Variants in LRRIQ3 observed in about 807,000 individuals in gnomAD.
LRRIQ3 encodes the protein leucine rich repeats and IQ motif containing 3.
Under a neutral mutation model 59.3 loss-of-function variants are expected in LRRIQ3, and 75 were observed. The observed-to-expected ratio is 1.26, with a 90% CI of 1.05 to 1.53. LRRIQ3 has a LOEUF of 1.53. Among genes scored for constraint, LRRIQ3 ranks in the 40% most tolerant of loss-of-function variants. The probability of loss-of-function intolerance (pLI) is 0.00; values close to 1 mark genes in which losing one functional copy is unlikely to be tolerated. For synonymous variants in LRRIQ3, 250 were observed against 231.3 expected (o/e 1.08, Z -0.73); for missense variants, 831 against 710.0 (o/e 1.17, Z -1.94).
intron 5 of LRRIQ3, 87 bp downstream of exon 5, chr1:74,109,303 TAGAG>T (rs774478341): frequency 1.1e-6 from 1 of 924,098 alleles, no homozygotes; most frequent in South Asian, 1.6e-5. Flanking sequence ...GGACATTTAA[TAGAG>T]ACTGAAGAAA....
intron 5 of LRRIQ3, among the ~76,000 whole-genome samples, chr1:74,106,775 T>C (rs1646620404): frequency 6.6e-6 from 1 of 152,036 alleles, no homozygotes; most frequent in East Asian, 1.9e-4. Flanking sequence ...ATATTAGTAT[T>C]CAGATTTTCC....
At chr1:74,162,254 G>A (rs1414753924) in intron 3 of LRRIQ3, among the ~76,000 whole-genome samples, 1 of 151,746 alleles carries the variant, frequency 6.6e-6, no homozygotes, top group African/African-American at 2.4e-5. Context: ...TCTAAAAAGA[G>A]ACGTGTACTA....
intron 3 of LRRIQ3, chr1:74,180,709 C>G: frequency 6.5e-7 from 1 of 1,549,172 alleles, no homozygotes. Flanking sequence ...GAAATCCCAC[C>G]TCATGACTCA....
chr1:74,074,432 T>C (rs910279534), intron 6 of LRRIQ3, among the ~76,000 whole-genome samples: 2 of 152,102 alleles, frequency 1.3e-5, no homozygotes, highest in African/African-American at 4.8e-5. Context: ...ACTACTCCCC[T>C]ATGAAGATAA....
intron 5 of LRRIQ3, among the ~76,000 whole-genome samples, chr1:74,103,957 C>T (rs1158314201): frequency 5.9e-5 from 9 of 151,986 alleles, no homozygotes; most frequent in South Asian, 2.1e-4. Context: ...TGTAAATGCA[C>T]TCCTGTGCTA....
chr1:74,118,251 C>T (rs1468679357), intron 4 of LRRIQ3, among the ~76,000 whole-genome samples: 2 of 152,136 alleles, frequency 1.3e-5, no homozygotes, highest in South Asian at 2.1e-4. Flanking sequence ...CCTACCCATA[C>T]ATTTGGTTCC....
chr1:74,184,744 G>C (rs762243424), intron 1 of LRRIQ3, among the ~76,000 whole-genome samples: 1 of 152,052 alleles, frequency 6.6e-6, no homozygotes, highest in Non-Finnish European at 1.5e-5. Context: ...GGTGATCGAC[G>C]AACACCTTAT....
chr1:74,197,084 G>GT (rs1265621219), intron 1 of LRRIQ3, among the ~76,000 whole-genome samples: 3 of 152,034 alleles, frequency 2.0e-5, no homozygotes, highest in Admixed American at 1.3e-4. Flanking sequence ...ATAAGATACT[G>GT]TTTTTTTAAT....
rs576046665 is a variant in LRRIQ3, at chr1:74,051,074, C to G, written c.998-9141G>C. Among the ~76,000 whole-genome samples, 8 of 152,250 alleles carry G rather than the reference C, an allele frequency of 5.3e-5. No individual in the cohort carries two copies. In the South Asian group the frequency reaches 1.7e-3, roughly 32 times the overall value. On this transcript the variant is annotated intron_variant, in intron 6 of 7. Transcript: ENST00000354431. ...ATAGAAAATTACAGAGATGCACAGGCGTTACCCCTCTCACTTTACATCTTT... is the reference window on the plus strand; with the variant it reads ...ATAGAAAATTACAGAGATGCACAGGGGTTACCCCTCTCACTTTACATCTTT...
chr1:74,096,897 G>A (rs534906682), intron 5 of LRRIQ3, among the ~76,000 whole-genome samples: 100 of 152,236 alleles, frequency 6.6e-4, no homozygotes, highest in Admixed American at 1.4e-3. Flanking sequence ...CTGCCTGATC[G>A]TTCCTCTGGA....
chr1:74,157,416 C>T (rs1181164908), intron 3 of LRRIQ3, among the ~76,000 whole-genome samples: 1 of 152,136 alleles, frequency 6.6e-6, no homozygotes, highest in Non-Finnish European at 1.5e-5. Flanking sequence ...CCTCTGCTAG[C>T]ACTATCTGTT....
chr1:74,100,171 C>A (rs1260301044), intron 5 of LRRIQ3, among the ~76,000 whole-genome samples: 7 of 152,210 alleles, frequency 4.6e-5, no homozygotes, highest in Admixed American at 2.0e-4. Flanking sequence ...TCGTCTCAGC[C>A]CCAAATCTCC....
Position 74,098,356 on chromosome 1 carries a change from A to G in LRRIQ3, c.867+11038T>C, listed in dbSNP as rs1215470448. 2.0e-5 allele frequency among the ~76,000 whole-genome samples: 3 copies of G among 152,214 alleles called. No homozygotes were observed. The East Asian group carries it at 5.8e-4, about 29-fold the overall frequency. On this transcript the variant is annotated intron_variant, in intron 5 of 7. Coordinates refer to ENST00000354431, the MANE Select transcript of LRRIQ3 (RefSeq NM_001105659.2). ...ATCAATTCAACAAGAAGAGCTAACT[A>G]TCCTAAATATATATGCACCCAATAC...
intron 3 of LRRIQ3, among the ~76,000 whole-genome samples, chr1:74,156,256 C>T (rs894522265): frequency 1.7e-4 from 26 of 152,110 alleles, no homozygotes; most frequent in Non-Finnish European, 2.9e-5. Flanking sequence ...CACCTTCCAC[C>T]ATGATTGTAG....
At chr1:74,155,925 T>TA in intron 3 of LRRIQ3, 59 bp from the exon 4 acceptor site, 2 of 985,668 alleles carry the variant, frequency 2.0e-6, no homozygotes, top group Non-Finnish European at 2.8e-6. Context: ...TTTCAAAAGA[T>TA]ATTTTAAATT....
intron 5 of LRRIQ3, among the ~76,000 whole-genome samples, chr1:74,105,888 T>C (rs1646605531): frequency 6.6e-6 from 1 of 152,018 alleles, no homozygotes; most frequent in African/African-American, 2.4e-5. Context: ...AATCTTACTT[T>C]AGTAGAGCTG....
At chr1:74,138,499 TG>T in intron 4 of LRRIQ3, 1 of 984,764 alleles carries the variant, frequency 1.0e-6, no homozygotes, top group Non-Finnish European at 1.2e-6. Flanking sequence ...CATGTCAAGT[TG>T]AATGTCTGTT....
intron 4 of LRRIQ3, among the ~76,000 whole-genome samples, chr1:74,119,203 C>G (rs556390022): frequency 6.6e-6 from 1 of 152,040 alleles, no homozygotes; most frequent in Non-Finnish European, 1.5e-5. Context: ...TCTCTTAAAT[C>G]CTTATAAGAA....
intron 4 of LRRIQ3, 35 bp downstream of exon 4, chr1:74,155,698 T>G: frequency 6.6e-7 from 1 of 1,523,834 alleles, no homozygotes; most frequent in Admixed American, 2.4e-5. Flanking sequence ...ACCTTCTTAT[T>G]TCAATATTCA....
Sources: allele counts gnomAD v4.1 joint callset (sites outside exome capture counted in the v4.1 genomes callset), GRCh38; gene constraint gnomAD v4.1.1; transcripts MANE v1.5; gene names NCBI Gene and HGNC (gene_info 2026-07-23, HGNC 2026-07-21).